RNF146: variants seen among roughly 807,000 people sequenced by gnomAD.
RNF146 encodes E3 ubiquitin-protein ligase RNF146.
RNF146 carries 11 observed loss-of-function variants against 29.7 expected under a neutral mutation model. The ratio of observed to expected loss-of-function variants is 0.37; its 90% CI spans 0.23 to 0.61. The LOEUF is 0.61. Ranked by LOEUF, RNF146 falls within the 20% of genes least tolerant of loss-of-function variation. The pLI, the probability that RNF146 is intolerant of heterozygous loss-of-function variation, is 0.66. For synonymous variants in RNF146, 150 were observed against 159.7 expected, an observed-to-expected ratio of 0.94 and a Z score of 0.46; for missense variants, 342 against 438.9, an observed-to-expected ratio of 0.78 and a Z score of 1.97.
At chr6:127,279,732 T>C (rs991734895) in intron 1 of RNF146, among the ~76,000 whole-genome samples, 7 of 151,872 alleles carry the variant, frequency 4.6e-5, no homozygotes, top group African/African-American at 1.7e-4. Context: ...CACTTGTCTA[T>C]TTACTTAGCT....
intron 1 of RNF146, among the ~76,000 whole-genome samples, chr6:127,279,695 A>G (rs1248623705): frequency 6.6e-6 from 1 of 151,804 alleles, no homozygotes; most frequent in African/African-American, 2.4e-5. Context: ...TGTCATTTTA[A>G]TATGTTAAGT....
At chr6:127,276,036 C>T (rs1778161191) in intron 1 of RNF146, among the ~76,000 whole-genome samples, 1 of 151,930 alleles carries the variant, frequency 6.6e-6, no homozygotes, top group Admixed American at 6.6e-5. Flanking sequence ...ATATATCAGT[C>T]AGTCCTAGCT....
rs1582902489 is a variant in RNF146 at position 127,286,165 on chromosome 6, C to T, written c.3-451C>T. 2.4e-6 allele frequency: 3 copies of T among 1,230,558 alleles called. No individual in the cohort carries two copies. Among genetic ancestry groups the T allele is most frequent in the Non-Finnish European group, 3.0e-6 (3 of 987,300 alleles). The allele number at this position is 1,230,558 out of a possible 1,614,324, so 76.2% of individuals were successfully genotyped here. On this transcript the variant is annotated intron_variant, in intron 2 of 2. Transcript: ENST00000368314. This position sits in a 1 kb window ranked among gnomAD's most constrained non-coding sequence, Gnocchi z 4.6. ...TCCATTTTTACCTGAGCTTTGTAAA[C>T]TCTGATTTGCAGGTAAGGAAATTTA...
chr6:127,274,267 T>C (rs1264380745), intron 1 of RNF146, among the ~76,000 whole-genome samples: 1 of 152,148 alleles, frequency 6.6e-6, no homozygotes, highest in African/African-American at 2.4e-5. Flanking sequence ...TGAAATAGTT[T>C]TATAGGAAAG....
At position 127,286,675 on chromosome 6, in the gene RNF146, C is replaced by G. The variant is rs758879979; in HGVS notation, c.62C>G (p.Ala21Gly). ...AACATGCTTCCTACAAACAGGAAAGCGAACGAGTCCTGTTCTAATACTGCA... is the reference window on the plus strand; with the variant it reads ...AACATGCTTCCTACAAACAGGAAAGGGAACGAGTCCTGTTCTAATACTGCA... Reference protein sequence around the residue: ...SINMLPTNRKANESCSNTAPS... With the variant: ...SINMLPTNRKGNESCSNTAPS... Residue 21 changes from alanine (A) to glycine (G), a missense_variant, in exon 3 of 3, where the codon GCG (alanine) becomes GGG (glycine). Transcript: ENST00000368314. The surrounding 1 kb of genome is among the most constrained non-coding windows in gnomAD (Gnocchi z 4.6). 6.2e-7 allele frequency: 1 copy of G among 1,613,004 alleles called. No homozygotes were observed. Among genetic ancestry groups the G allele is most frequent in the Non-Finnish European group, 8.5e-7 (1 of 1,179,430 alleles).
At position 127,286,197 on chromosome 6, in the gene RNF146, T is replaced by C. The variant is rs1006647690; in HGVS notation, c.3-419T>C. The stretch of plus-strand genomic sequence containing the variant: ...TTGCAGGTAAGGAAATTTAGACTAA[T>C]GGTTTAACTGAGTGCCTAAGAGCAC... On this transcript the variant is annotated intron_variant, in intron 2 of 2. Coordinates refer to ENST00000368314, the MANE Select transcript of RNF146 (RefSeq NM_001242850.2). The surrounding 1 kb of genome is among the most constrained non-coding windows in gnomAD (Gnocchi z 4.6). The C allele has an allele frequency of 2.1e-5, 26 of 1,229,890 alleles. No homozygotes were observed. Among genetic ancestry groups the C allele is most frequent in the Non-Finnish European group, 2.6e-5 (26 of 986,636 alleles). The allele number at this position is 1,229,890 out of a possible 1,614,324, so 76.2% of individuals were successfully genotyped here.
chr6:127,285,247 A>G, intron 2 of RNF146: 2 of 985,130 alleles, frequency 2.0e-6, no homozygotes, highest in Non-Finnish European at 2.4e-6. Flanking sequence ...TTGAGGAACC[A>G]AGAACACAGA....
At chr6:127,270,680 T>C (rs909775229) in intron 1 of RNF146, among the ~76,000 whole-genome samples, 4 of 151,632 alleles carry the variant, frequency 2.6e-5, no homozygotes, top group African/African-American at 4.9e-5. Flanking sequence ...GTTCCACTTA[T>C]ACAATACTTT....
chr6:127,270,331 C>CT (rs1171771486), intron 1 of RNF146, among the ~76,000 whole-genome samples: 1 of 151,690 alleles, frequency 6.6e-6, no homozygotes, highest in Admixed American at 6.6e-5. Flanking sequence ...TAGACTTTTT[C>CT]TTTTTTTTAT....
At chr6:127,285,995 G>T (rs560637420) in intron 2 of RNF146, 1 of 1,182,722 alleles carries the variant, frequency 8.5e-7, no homozygotes, top group East Asian at 3.2e-5. Flanking sequence ...TTTTATGTCA[G>T]TGTTTAAGCT....
Position 127,287,702 on chromosome 6 carries a change from G to A in RNF146, c.*9G>A, listed in dbSNP as rs890523719. ...CAGTAACTGAAGTTTAAATAAAAAT[G>A]TCTTCAGCTCCATGCTCAAGGTTGA... On this transcript the variant is annotated 3_prime_UTR_variant, in exon 3 of 3. Coordinates refer to ENST00000368314, the MANE Select transcript of RNF146 (RefSeq NM_001242850.2). The A allele has an allele frequency of 4.7e-6, 7 of 1,493,434 alleles. No individual in the cohort carries two copies. Among genetic ancestry groups the A allele is most frequent in the Non-Finnish European group, 5.5e-6 (6 of 1,096,624 alleles). 92.5% of individuals were successfully genotyped at this position (1,493,434 alleles called of 1,614,324 possible). A position where few individuals can be genotyped will look rare whatever the true frequency, so the allele number is the denominator to read the frequency against.
intron 2 of RNF146, among the ~76,000 whole-genome samples, chr6:127,283,815 C>T (rs1204076110): frequency 6.6e-6 from 1 of 151,626 alleles, no homozygotes; most frequent in Non-Finnish European, 1.5e-5. Flanking sequence ...GAAATAATGA[C>T]CATTTAGCTG....
intron 1 of RNF146, among the ~76,000 whole-genome samples, chr6:127,271,067 G>C (rs1409923807): frequency 6.6e-6 from 1 of 152,108 alleles, no homozygotes; most frequent in Non-Finnish European, 1.5e-5. Context: ...TCCTGCCTCA[G>C]CTTCCCAAAG....
At chr6:127,269,159 C>T (rs1777085777) in intron 1 of RNF146, among the ~76,000 whole-genome samples, 1 of 152,198 alleles carries the variant, frequency 6.6e-6, no homozygotes, top group African/African-American at 2.4e-5. Flanking sequence ...GCTACAACCA[C>T]CTGTGCTTAC....
chr6:127,280,648 A>G, intron 2 of RNF146: 1 of 840,850 alleles, frequency 1.2e-6, no homozygotes, highest in Non-Finnish European at 1.5e-6. Flanking sequence ...ATTTTCTTAA[A>G]TAACTAAGCT....
At chr6:127,279,729 C>T (rs1778696616) in intron 1 of RNF146, among the ~76,000 whole-genome samples, 1 of 151,822 alleles carries the variant, frequency 6.6e-6, no homozygotes, top group Admixed American at 6.6e-5. Flanking sequence ...CATCACTTGT[C>T]TATTTACTTA....
In RNF146 at chr6:127,287,363, A is replaced by G. The variant is rs1234067779; in HGVS notation, c.750A>G (p.Leu250=). The G allele has an allele frequency of 2.5e-6, 4 of 1,613,372 alleles. No homozygotes were observed. In the African/African-American group the frequency reaches 4.0e-5, roughly 16 times the overall value. ...CTCTGGAAGACTCTTTTGCTCATTT[A>G]CAACTCAGTGGAGACAACACAGCTG... is the stretch of plus-strand genomic sequence containing the variant. ...STSLEDSFAH[L]QLSGDNTAER... The change falls in exon 3 of 3, where the codon TTA becomes TTG. Residue 250 remains leucine (L), a synonymous_variant. Transcript: ENST00000368314.
At chr6:127,275,345 T>A (rs1056560680) in intron 1 of RNF146, among the ~76,000 whole-genome samples, 1 of 152,274 alleles carries the variant, frequency 6.6e-6, no homozygotes, top group East Asian at 1.9e-4. Context: ...AAAGCAAGGA[T>A]TAGAACTTAG....
At position 127,288,351 on chromosome 6, in the gene RNF146, G is replaced by A. The variant is rs954868352; in HGVS notation, c.*658G>A. The A allele has an allele frequency of 6.0e-6, 1 of 166,698 alleles. No individual in the cohort carries two copies. Among genetic ancestry groups the A allele is most frequent in the Admixed American group, 6.6e-5 (1 of 15,236 alleles). 10.3% of individuals were successfully genotyped at this position (166,698 alleles called of 1,614,324 possible). On this transcript the variant is annotated 3_prime_UTR_variant, in exon 3 of 3. Transcript: ENST00000368314. ...AATTTATAATTTAATAAATACTAGA[G>A]TTTATCAAAAACAGTTTGTCTCTTG...
Sources: gnomAD v4.1 joint callset for allele counts (sites outside exome capture counted in the v4.1 genomes callset) on GRCh38, gnomAD v4.1.1 for gene constraint, Gnocchi (gnomAD v3.1) non-coding constraint, MANE v1.5 for transcripts, NCBI Gene and HGNC (gene_info 2026-07-23, HGNC 2026-07-21) for gene names.